Variants in FRMD4A observed in about 807,000 individuals in gnomAD.
FRMD4A encodes FERM domain-containing protein 4A.
FRMD4A carries 29 observed loss-of-function variants against 129.1 expected under a neutral mutation model. That is an observed-to-expected ratio of 0.22 (90% CI 0.17 to 0.31). FRMD4A has a LOEUF of 0.31. Ranked by LOEUF, FRMD4A falls within the 10% of genes least tolerant of loss-of-function variation. FRMD4A has a pLI of 1.00. For missense variants in FRMD4A, 1,272 were observed against 1,375.8 expected, an observed-to-expected ratio of 0.92 and a Z score of 1.19; for synonymous variants, 634 against 571.6, an observed-to-expected ratio of 1.11 and a Z score of -1.56.
chr10:14,152,143 T>G (rs1840371446), intron 2 of FRMD4A, among the ~76,000 whole-genome samples: 1 of 140,936 alleles, frequency 7.1e-6, no homozygotes, highest in Non-Finnish European at 1.5e-5. Flanking sequence ...TTTTTTTTTT[T>G]TTGAGACATA....
intron 12 of FRMD4A, among the ~76,000 whole-genome samples, chr10:13,711,154 G>A (rs1007504206): frequency 3.3e-5 from 5 of 152,216 alleles, no homozygotes; most frequent in Non-Finnish European, 5.9e-5. Context: ...TAGGGACCAG[G>A]AGGGTGGAAG....
chr10:13,790,996 C>T (rs1269179262), intron 5 of FRMD4A, among the ~76,000 whole-genome samples: 7 of 152,168 alleles, frequency 4.6e-5, no homozygotes, highest in East Asian at 3.9e-4. Flanking sequence ...TTGAGGTACA[C>T]GTGGATCAGT....
intron 2 of FRMD4A, among the ~76,000 whole-genome samples, chr10:13,983,680 C>T (rs115814416): frequency 2.4e-3 from 360 of 152,096 alleles, no homozygotes; most frequent in African/African-American, 8.4e-3. Context: ...AGGTGAGAGC[C>T]ATCTGTTAGA....
chr10:13,830,400 C>T (rs79369472), intron 3 of FRMD4A, among the ~76,000 whole-genome samples: 2,630 of 152,314 alleles, frequency 0.017, 108 homozygotes, highest in East Asian at 0.14. Context: ...GGTGAAAAAA[C>T]AGCAAGCATG....
intron 2 of FRMD4A, among the ~76,000 whole-genome samples, chr10:14,111,094 T>G (rs1837876813): frequency 6.6e-6 from 1 of 152,196 alleles, no homozygotes; most frequent in Non-Finnish European, 1.5e-5. Flanking sequence ...GCCTAAACAT[T>G]TTCATCTTGC....
At chr10:14,192,888 C>T (rs941780649) in intron 2 of FRMD4A, among the ~76,000 whole-genome samples, 1 of 152,158 alleles carries the variant, frequency 6.6e-6, no homozygotes, top group Admixed American at 6.5e-5. Flanking sequence ...TCTAATCACA[C>T]CAATAGGGTG....
chr10:13,997,002 CAAAACAAAACA>C (rs1423798732), intron 2 of FRMD4A, among the ~76,000 whole-genome samples: 3 of 43,944 alleles, frequency 6.8e-5, no homozygotes, highest in African/African-American at 2.1e-4. Flanking sequence ...CAAAACAAAA[CAAAACAAAACA>C]AAACAAAACA....
intron 2 of FRMD4A, among the ~76,000 whole-genome samples, chr10:13,926,592 G>A (rs1232499929): frequency 6.6e-6 from 1 of 152,198 alleles, no homozygotes; most frequent in East Asian, 1.9e-4. Context: ...AGAAAGCACA[G>A]TATTTCCTTT....
chr10:13,764,501 T>TCAAACAAA (rs985473476), intron 6 of FRMD4A, among the ~76,000 whole-genome samples: 3 of 112,262 alleles, frequency 2.7e-5, no homozygotes, highest in African/African-American at 1.1e-4. Context: ...AGACCCTGCC[T>TCAAACAAA]CAAATAAACA....
intron 8 of FRMD4A, among the ~76,000 whole-genome samples, chr10:13,749,160 T>C (rs924338008): frequency 5.3e-5 from 8 of 152,160 alleles, no homozygotes; most frequent in African/African-American, 1.9e-4. Flanking sequence ...CCTATCCTGG[T>C]CCACCAAAGA....
rs1554984653 is a variant in FRMD4A, at chr10:13,951,929, T to TAATAATAATAATA, written c.46-93018_46-93017insTATTATTATTATT. 9.6e-5 allele frequency among the ~76,000 whole-genome samples: 14 copies of TAATAATAATAATA among 145,964 alleles called. No homozygotes were observed. The Admixed American group carries it at 9.7e-4, about 10-fold the overall frequency. ...ATAATAATAATAATAATAATAATAA[T>TAATAATAATAATA]AAACAATCTAAAATTTTACAGAGAA... On this transcript the variant is annotated intron_variant, in intron 2 of 24. Transcript: ENST00000357447.
chr10:14,185,720 TAGAGAG>T (rs1421650464), intron 2 of FRMD4A, among the ~76,000 whole-genome samples: 1 of 152,134 alleles, frequency 6.6e-6, no homozygotes, highest in Non-Finnish European at 1.5e-5. Flanking sequence ...TCAGTAGTTC[TAGAGAG>T]AAGGGATGGC....
At chr10:13,967,514 C>A (rs2095492851) in intron 2 of FRMD4A, among the ~76,000 whole-genome samples, 1 of 152,090 alleles carries the variant, frequency 6.6e-6, no homozygotes, top group Admixed American at 6.5e-5. Flanking sequence ...ACCACCTGTT[C>A]CCCAATAACC....
intron 14 of FRMD4A, among the ~76,000 whole-genome samples, chr10:13,696,249 C>T (rs147652957): frequency 4.6e-5 from 7 of 152,310 alleles, no homozygotes; most frequent in African/African-American, 1.4e-4. Flanking sequence ...CTATCATTTG[C>T]GCCCATCTGG....
intron 15 of FRMD4A, chr10:13,684,707 G>C (rs2084919368): frequency 2.0e-6 from 2 of 985,280 alleles, no homozygotes; most frequent in Non-Finnish European, 2.4e-6. Flanking sequence ...TTGACACAGA[G>C]GGGATATTGA....
At chr10:13,780,158 C>G (rs2092699464) in intron 6 of FRMD4A, among the ~76,000 whole-genome samples, 1 of 152,088 alleles carries the variant, frequency 6.6e-6, no homozygotes, top group Non-Finnish European at 1.5e-5. Flanking sequence ...AAAACCCCAT[C>G]TCTATTAAAA....
At chr10:14,155,790 T>C (rs1290683177) in intron 2 of FRMD4A, among the ~76,000 whole-genome samples, 3 of 152,198 alleles carry the variant, frequency 2.0e-5, no homozygotes, top group Non-Finnish European at 2.9e-5. Flanking sequence ...AATCTCTCTT[T>C]ACTCGCATTT....
At chr10:14,101,392 A>C (rs1002357110) in intron 2 of FRMD4A, among the ~76,000 whole-genome samples, 1 of 152,142 alleles carries the variant, frequency 6.6e-6, no homozygotes, top group African/African-American at 2.4e-5. Context: ...TAGTCTTACG[A>C]GTAGATAAAA....
intron 2 of FRMD4A, among the ~76,000 whole-genome samples, chr10:14,113,917 T>G (rs917773052): frequency 2.0e-5 from 3 of 152,168 alleles, no homozygotes; most frequent in Non-Finnish European, 4.4e-5. Flanking sequence ...TCTCCGAGCC[T>G]CTGCTGCTCT....
Sources: allele counts gnomAD v4.1 joint callset (sites outside exome capture counted in the v4.1 genomes callset), GRCh38; gene constraint gnomAD v4.1.1; transcripts MANE v1.5; gene names NCBI Gene and HGNC (gene_info 2026-07-23, HGNC 2026-07-21).